AMZ1: variants seen among roughly 807,000 people sequenced by gnomAD.
AMZ1 encodes the protein archaemetzincin-1.
Under a neutral mutation model 29.9 loss-of-function variants are expected in AMZ1, and 39 were observed. The ratio of observed to expected loss-of-function variants is 1.30; its 90% confidence interval spans 1.01 to 1.70. The LOEUF (loss-of-function observed/expected upper bound fraction) is 1.70, where lower values mean the gene tolerates loss of function less well. AMZ1 is among the 40% of genes most tolerant of loss of function. The pLI is 0.00. For synonymous variants in AMZ1, 458 were observed against 304.0 expected, an observed-to-expected ratio of 1.51 and a Z score of -5.27; for missense variants, 1,041 against 680.6, an observed-to-expected ratio of 1.53 and a Z score of -5.89.
intron 4 of AMZ1, among the ~76,000 whole-genome samples, chr7:2,745,448 A>C (rs1790719879): frequency 6.6e-6 from 1 of 152,166 alleles, no homozygotes; most frequent in Non-Finnish European, 1.5e-5. Flanking sequence ...GAAATAAAAT[A>C]CTTTACAGAC....
At chr7:2,707,443 G>C (rs1356916744) in intron 3 of AMZ1, among the ~76,000 whole-genome samples, 1 of 152,084 alleles carries the variant, frequency 6.6e-6, no homozygotes, top group Non-Finnish European at 1.5e-5. Flanking sequence ...TGGGCCCGTG[G>C]TGGCTGCTCT....
chr7:2,692,640 G>T (rs141986567), intron 1 of AMZ1, among the ~76,000 whole-genome samples: 2 of 152,064 alleles, frequency 1.3e-5, no homozygotes, highest in South Asian at 4.1e-4. Flanking sequence ...CGCCTCTTCC[G>T]TAGCGAGGTC....
chr7:2,718,325 C>T lies in AMZ1; in HGVS notation c.*5447C>T, dbSNP rs989879307. Among the ~76,000 whole-genome samples the T allele has an allele frequency of 1.3e-5, 2 of 152,296 alleles. No homozygotes were observed. Among genetic ancestry groups the T allele is most frequent in the Non-Finnish European group, 1.5e-5 (1 of 68,016 alleles). On this transcript the variant is annotated 3_prime_UTR_variant, in exon 7 of 7. Coordinates refer to ENST00000683327, the MANE Select transcript of AMZ1 (RefSeq NM_001384743.1). ...TGCCCGCCACAGTGTGCCTGGTTTT[C>T]TGGATACAGCATGACTGAACCGCCC...
At chr7:2,752,365 C>T (rs548594480) in intron 4 of AMZ1, among the ~76,000 whole-genome samples, 16 of 152,300 alleles carry the variant, frequency 1.1e-4, no homozygotes, top group African/African-American at 3.1e-4. Flanking sequence ...AGTACTTTCA[C>T]CCTAACACTG....
chr7:2,720,498 G>T (rs1789373928), downstream of AMZ1, among the ~76,000 whole-genome samples: 1 of 151,918 alleles, frequency 6.6e-6, no homozygotes, highest in Non-Finnish European at 1.5e-5. Context: ...CCGCCTTCTG[G>T]GTTCAAACGA....
At position 2,741,922 on chromosome 7, in the gene AMZ1, A is replaced by G. The variant is rs77947632; in HGVS notation, n.551-22790A>G. On this transcript the variant is annotated intron_variant and non_coding_transcript_variant, in intron 4 of 4. Transcript: ENST00000489665. ...ATCTAATATATACAGATACAGCATTATAAGACCATTTCCCTCCTCTAGCAC... is the reference window on the plus strand; with the variant it reads ...ATCTAATATATACAGATACAGCATTGTAAGACCATTTCCCTCCTCTAGCAC... Among the ~76,000 whole-genome samples the G allele has an allele frequency of 1.1e-4, 17 of 151,884 alleles. No homozygotes were observed. The East Asian group carries it at 3.1e-3, about 28-fold the overall frequency.
chr7:2,709,216 G>C lies in AMZ1; in HGVS notation c.743G>C (p.Ser248Thr), dbSNP rs1468485699. 2 of 1,510,372 alleles carry C rather than the reference G, an allele frequency of 1.3e-6. No homozygotes were observed. The highest frequency in any genetic ancestry group is 4.7e-5 in the East Asian group (2 of 42,636). The allele number at this position is 1,510,372 out of a possible 1,614,324, so 93.6% of individuals were successfully genotyped here. The change falls in exon 5 of 7, where the codon AGT becomes ACT. Residue 248 changes from serine to threonine, a missense_variant. Physicochemically the swap from Ser to Thr is moderately conservative, Grantham distance 58. Coordinates refer to ENST00000683327, the MANE Select transcript of AMZ1 (RefSeq NM_001384743.1). ...LQDRGWALCFSALGMVQCCKV... is the reference protein window; with the variant it reads ...LQDRGWALCFTALGMVQCCKV... The stretch of plus-strand genomic sequence containing the variant: ...GACAGGGGCTGGGCCCTGTGCTTCA[G>C]TGCCCTGGGGATGGTTCAGTGCTGC...
chr7:2,745,109 A>T (rs1790702928), intron 4 of AMZ1, among the ~76,000 whole-genome samples: 1 of 152,252 alleles, frequency 6.6e-6, no homozygotes, highest in African/African-American at 2.4e-5. Context: ...GATATTATCC[A>T]GGAAAACTTC....
At position 2,718,056 on chromosome 7, in the gene AMZ1, G is replaced by A. The variant is rs1009733304; in HGVS notation, c.*5178G>A. Reference sequence around the variant, plus strand: ...GGCAGCCAGGCCCGTCCAACCTCCTGCCCTCTCTGAGAGGGGCCCGAGCTC... The same window carrying A: ...GGCAGCCAGGCCCGTCCAACCTCCTACCCTCTCTGAGAGGGGCCCGAGCTC... On this transcript the variant is annotated 3_prime_UTR_variant, in exon 7 of 7. Transcript: ENST00000683327. Among the ~76,000 whole-genome samples the A allele has an allele frequency of 6.6e-6, 1 of 152,202 alleles. No homozygotes were observed. Among genetic ancestry groups the A allele is most frequent in the Admixed American group, 6.5e-5 (1 of 15,286 alleles).
At chr7:2,725,985 C>T (rs1362243364) in intron 4 of AMZ1, among the ~76,000 whole-genome samples, 2 of 152,246 alleles carry the variant, frequency 1.3e-5, no homozygotes, top group East Asian at 1.9e-4. Context: ...TTCAAGGAAA[C>T]ACCAGGATCC....
At chr7:2,699,253 G>GTGTTCCTAA (rs1260134056) in intron 1 of AMZ1, among the ~76,000 whole-genome samples, 2 of 152,156 alleles carry the variant, frequency 1.3e-5, no homozygotes, top group African/African-American at 4.8e-5. Context: ...ACTCTCAGGC[G>GTGTTCCTAA]TGTTCCTAAG....
chr7:2,761,007 A>T (rs17132663), upstream of AMZ1, among the ~76,000 whole-genome samples: 1 of 152,320 alleles, frequency 6.6e-6, no homozygotes, highest in African/African-American at 2.4e-5. Flanking sequence ...GTTCATGGGT[A>T]GTTTTGGGAC....
At chr7:2,703,236 T>G (rs1280630763) in intron 3 of AMZ1, among the ~76,000 whole-genome samples, 2 of 152,134 alleles carry the variant, frequency 1.3e-5, no homozygotes, top group Non-Finnish European at 2.9e-5. Context: ...AACCTCCCGG[T>G]TGAGGCAAGC....
At chr7:2,762,477 G>A (rs1006034723), upstream of AMZ1, 6 of 675,908 alleles carry the variant, frequency 8.9e-6, no homozygotes, top group South Asian at 2.7e-5. Context: ...GAACCCACCC[G>A]TGTGCGGGGC....
intron 3 of AMZ1, among the ~76,000 whole-genome samples, chr7:2,706,441 CTGAG>C (rs1477542527): frequency 1.3e-5 from 2 of 152,348 alleles, no homozygotes; most frequent in East Asian, 3.9e-4. Flanking sequence ...GTACCACAAA[CTGAG>C]TGGCTTAGGG....
chr7:2,706,751 A>G (rs1354880354), intron 3 of AMZ1, among the ~76,000 whole-genome samples: 2 of 151,426 alleles, frequency 1.3e-5, no homozygotes, highest in Non-Finnish European at 2.9e-5. Flanking sequence ...TTTCCAAACA[A>G]TGGCAGGTTC....
At chr7:2,747,274 A>C (rs533717529) in intron 4 of AMZ1, among the ~76,000 whole-genome samples, 7 of 152,358 alleles carry the variant, frequency 4.6e-5, no homozygotes, top group South Asian at 4.1e-4. Context: ...ATCCTCAATA[A>C]AATACTGGAA....
rs181575565 is a variant in AMZ1 at position 2,714,527 on chromosome 7, G to C, written c.*1649G>C. ...GGGAGATGAAGAGCTAGGCCTTTCAGAAAGTGACCAATGGAAGGTGCCGGC... is the reference window on the plus strand; with the variant it reads ...GGGAGATGAAGAGCTAGGCCTTTCACAAAGTGACCAATGGAAGGTGCCGGC... On this transcript the variant is annotated 3_prime_UTR_variant, in exon 7 of 7. Transcript: ENST00000683327. 6.6e-6 allele frequency: 1 copy of C among 152,232 alleles called. No homozygotes were observed. The highest frequency in any genetic ancestry group is 1.9e-4 in the East Asian group (1 of 5,268). The allele number at this position is 152,232 out of a possible 1,614,324, so 9.4% of individuals were successfully genotyped here. A position where few individuals can be genotyped will look rare whatever the true frequency, so the allele number is the denominator to read the frequency against.
chr7:2,748,688 C>A (rs1487074087), intron 4 of AMZ1, among the ~76,000 whole-genome samples: 1 of 152,140 alleles, frequency 6.6e-6, no homozygotes, highest in Non-Finnish European at 1.5e-5. Flanking sequence ...AGAGTTTCTG[C>A]ACAGCAAAAG....
Sources: allele counts gnomAD v4.1 joint callset (sites outside exome capture counted in the v4.1 genomes callset), GRCh38; gene constraint gnomAD v4.1.1; transcripts MANE v1.5; gene names NCBI Gene and HGNC (gene_info 2026-07-23, HGNC 2026-07-21).